PIK3C3: variants seen among roughly 807,000 people sequenced by gnomAD.
The protein encoded by PIK3C3 is PI3-kinase type 3.
In PIK3C3, 95 loss-of-function variants were observed where a neutral mutation model predicts 126.1. The ratio of observed to expected loss-of-function variants is 0.75; its 90% CI spans 0.64 to 0.89. The LOEUF (loss-of-function observed/expected upper bound fraction) is 0.89, where lower values mean the gene tolerates loss of function less well. Ranked by LOEUF, PIK3C3 falls within the 40% of genes least tolerant of loss-of-function variation. The probability of loss-of-function intolerance (pLI) is 0.00; values close to 1 mark genes in which losing one functional copy is unlikely to be tolerated. For missense variants in PIK3C3, 829 were observed against 1,063.2 expected, an observed-to-expected ratio of 0.78 and a Z score of 3.06; for synonymous variants, 374 against 360.0, an observed-to-expected ratio of 1.04 and a Z score of -0.44.
In PIK3C3 at chr18:42,085,115, A is replaced by G. The variant is rs1289404868; in HGVS notation, c.*3978A>G. On this transcript the variant is annotated 3_prime_UTR_variant, in exon 25 of 25. Transcript: ENST00000262039. ...TGGCTATGTAGTTAAAAAACCTAACAAAAAGCACTTTTCTATATAATGAGT... is the reference window on the plus strand; with the variant it reads ...TGGCTATGTAGTTAAAAAACCTAACGAAAAGCACTTTTCTATATAATGAGT... 6.6e-6 allele frequency: 1 copy of G among 152,210 alleles called. No homozygotes were observed. The highest frequency in any genetic ancestry group is 6.5e-5 in the Admixed American group (1 of 15,284). The allele number at this position is 152,210 out of a possible 1,614,324, so 9.4% of individuals were successfully genotyped here.
chr18:41,990,424 T>A, intron 5 of PIK3C3, 35 bp from the exon 6 acceptor site: 1 of 1,192,966 alleles, frequency 8.4e-7, no homozygotes, highest in South Asian at 1.2e-5. Context: ...ATGTTGAAAA[T>A]AATCATTTTT....
At chr18:42,062,997 G>A (rs559298710) in intron 22 of PIK3C3, among the ~76,000 whole-genome samples, 1 of 152,142 alleles carries the variant, frequency 6.6e-6, no homozygotes, top group African/African-American at 2.4e-5. Context: ...CTGTCCACCT[G>A]GAAGTCTATG....
chr18:42,003,516 A>ATTC (rs938316248), intron 9 of PIK3C3, among the ~76,000 whole-genome samples: 12 of 152,160 alleles, frequency 7.9e-5, no homozygotes, highest in African/African-American at 2.9e-4. Flanking sequence ...GCCTCAAGCA[A>ATTC]TTCTCCTGAC....
chr18:42,003,893 A>G (rs1982411966), intron 9 of PIK3C3, among the ~76,000 whole-genome samples: 1 of 152,166 alleles, frequency 6.6e-6, no homozygotes, highest in Admixed American at 6.5e-5. Flanking sequence ...GCCGGTGGTC[A>G]TACTCTAGGG....
At chr18:42,006,225 C>T (rs948786871) in intron 10 of PIK3C3, among the ~76,000 whole-genome samples, 1 of 151,138 alleles carries the variant, frequency 6.6e-6, no homozygotes, top group African/African-American at 2.4e-5. Flanking sequence ...GTTGAAATGA[C>T]ACATGGGTTG....
At chr18:42,010,812 A>T (rs12457525) in intron 10 of PIK3C3, among the ~76,000 whole-genome samples, 1 of 152,022 alleles carries the variant, frequency 6.6e-6, no homozygotes, top group African/African-American at 2.4e-5. Flanking sequence ...TTTTGCCCAG[A>T]TCCATTACAG....
intron 12 of PIK3C3, among the ~76,000 whole-genome samples, chr18:42,018,145 G>A (rs1273163841): frequency 1.3e-5 from 2 of 151,032 alleles, no homozygotes; most frequent in Admixed American, 1.3e-4. Flanking sequence ...AAGGATACCT[G>A]CACCTTCCTC....
rs540206310 is a variant in PIK3C3, at chr18:42,057,920, T to C, written c.2301T>C (p.Gly767=). ...ACATAGACTTTGGATATATTTTGGGTCGGGATCCAAAGCCTCTTCCTCCAC... is the reference window on the plus strand; with the variant it reads ...ACATAGACTTTGGATATATTTTGGGCCGGGATCCAAAGCCTCTTCCTCCAC... ...LFHIDFGYIL[G]RDPKPLPPPM... Residue 767 remains glycine (G), a synonymous_variant, in exon 22 of 25, where the codon GGT becomes GGC. Coordinates refer to ENST00000262039, the MANE Select transcript of PIK3C3 (RefSeq NM_002647.4). The C allele has an allele frequency of 6.2e-7, 1 of 1,613,762 alleles. No individual in the cohort carries two copies. Among genetic ancestry groups the C allele is most frequent in the Admixed American group, 1.7e-5 (1 of 59,968 alleles).
chr18:42,010,797 A>G (rs954514512), intron 10 of PIK3C3, among the ~76,000 whole-genome samples: 3 of 152,176 alleles, frequency 2.0e-5, no homozygotes, highest in African/African-American at 4.8e-5. Context: ...AAGCTTTTCA[A>G]TTTATTTTGC....
At chr18:42,054,164 A>ATATATATATATATC (rs1984946593) in intron 21 of PIK3C3, among the ~76,000 whole-genome samples, 1 of 47,082 alleles carries the variant, frequency 2.1e-5, no homozygotes, top group Admixed American at 1.8e-4. Context: ...ATATATATAT[A>ATATATATATATATC]TATATATATA....
chr18:42,036,865 C>G (rs1031693985), intron 16 of PIK3C3, among the ~76,000 whole-genome samples: 1 of 152,118 alleles, frequency 6.6e-6, no homozygotes, highest in Admixed American at 6.5e-5. Context: ...AAATCTGAAA[C>G]TTTTTGAGTG....
At chr18:42,030,408 A>T (rs188449016) in intron 15 of PIK3C3, among the ~76,000 whole-genome samples, 2 of 152,158 alleles carry the variant, frequency 1.3e-5, no homozygotes, top group African/African-American at 4.8e-5. Context: ...TCCTAATTCC[A>T]TTAGATAATT....
chr18:42,074,644 TAA>T (rs1985906591), intron 24 of PIK3C3, among the ~76,000 whole-genome samples: 1 of 152,172 alleles, frequency 6.6e-6, no homozygotes, highest in African/African-American at 2.4e-5. Context: ...ACTCGTATGT[TAA>T]ATATAAGTAC....
At chr18:41,967,815 G>A (rs1450504725) in intron 3 of PIK3C3, among the ~76,000 whole-genome samples, 1 of 152,186 alleles carries the variant, frequency 6.6e-6, no homozygotes, top group Admixed American at 6.5e-5. Context: ...GTGAATCCTG[G>A]AAGTCAAGGC....
chr18:41,984,614 T>C (rs980547313), intron 4 of PIK3C3, among the ~76,000 whole-genome samples: 5 of 152,156 alleles, frequency 3.3e-5, no homozygotes, highest in African/African-American at 9.7e-5. Context: ...AAGGCAGCTA[T>C]GGATCATTTA....
chr18:42,071,346 TTAAA>T (rs1304573865), intron 24 of PIK3C3, among the ~76,000 whole-genome samples: 1 of 152,212 alleles, frequency 6.6e-6, no homozygotes, highest in Non-Finnish European at 1.5e-5. Flanking sequence ...CCATTTTTAA[TTAAA>T]TAACCATTAC....
At chr18:42,015,096 T>C (rs201969032) in intron 11 of PIK3C3, among the ~76,000 whole-genome samples, 1 of 152,206 alleles carries the variant, frequency 6.6e-6, no homozygotes, top group Non-Finnish European at 1.5e-5. Flanking sequence ...TAGTTCTTTT[T>C]TTAAGCTCTG....
At chr18:42,069,139 A>AT (rs1457261519) in intron 24 of PIK3C3, among the ~76,000 whole-genome samples, 2 of 152,280 alleles carry the variant, frequency 1.3e-5, no homozygotes, top group East Asian at 3.9e-4. Context: ...TTCTAGCTCA[A>AT]TAAAAAGGTG....
chr18:42,018,468 A>T (rs1056238709), intron 12 of PIK3C3, among the ~76,000 whole-genome samples: 2 of 152,078 alleles, frequency 1.3e-5, no homozygotes, highest in African/African-American at 4.8e-5. Flanking sequence ...TGCCTATTAA[A>T]CTCATGGACT....
Sources: allele counts gnomAD v4.1 joint callset (sites outside exome capture counted in the v4.1 genomes callset), GRCh38; gene constraint gnomAD v4.1.1; transcripts MANE v1.5; gene names NCBI Gene and HGNC (gene_info 2026-07-23, HGNC 2026-07-21).